RFX4: variants seen among roughly 807,000 people sequenced by gnomAD.
RFX4 encodes the protein transcription factor RFX4.
A neutral mutation model predicts 95.0 loss-of-function variants in RFX4; 10 were observed. The observed-to-expected ratio is 0.11, with a 90% CI of 0.06 to 0.18. The LOEUF (loss-of-function observed/expected upper bound fraction) is 0.18, where lower values mean the gene tolerates loss of function less well. Ranked by LOEUF, RFX4 falls within the 10% of genes least tolerant of loss-of-function variation. The pLI is 1.00. For missense variants in RFX4, 640 were observed against 922.0 expected, an observed-to-expected ratio of 0.69 and a Z score of 3.96; for synonymous variants, 321 against 340.7, an observed-to-expected ratio of 0.94 and a Z score of 0.64.
At chr12:106,677,983 C>T (rs2041429383) in intron 4 of RFX4, among the ~76,000 whole-genome samples, 1 of 152,102 alleles carries the variant, frequency 6.6e-6, no homozygotes, top group African/African-American at 2.4e-5. Context: ...ATGCTGGTCA[C>T]ACAGATGTTA....
intron 1 of RFX4, among the ~76,000 whole-genome samples, chr12:106,591,554 T>C (rs1191907083): frequency 1.3e-5 from 2 of 152,122 alleles, no homozygotes; most frequent in Non-Finnish European, 2.9e-5. Flanking sequence ...GCGTGAGCCA[T>C]CGCGTCCGGC....
chr12:106,656,504 TACATCCCAAACAGGGTTA>T (rs1463902031), intron 4 of RFX4, among the ~76,000 whole-genome samples: 1 of 152,174 alleles, frequency 6.6e-6, no homozygotes, highest in Non-Finnish European at 1.5e-5. Context: ...AGGAGAGGTT[TACATCCCAAACAGGGTTA>T]ACATCCCAAA....
intron 3 of RFX4, 123 bp from the exon 4 acceptor site, chr12:106,654,105 C>T: frequency 3.7e-6 from 5 of 1,335,524 alleles, no homozygotes; most frequent in Non-Finnish European, 5.3e-6. Flanking sequence ...GCCCCAGCTT[C>T]TCCACCTGTA....
intron 4 of RFX4, among the ~76,000 whole-genome samples, chr12:106,680,101 T>C (rs1411045565): frequency 6.6e-6 from 1 of 152,216 alleles, no homozygotes; most frequent in Non-Finnish European, 1.5e-5. Context: ...ATTATCACCA[T>C]GAGATGGTAT....
Position 106,584,522 on chromosome 12 carries a change from G to C in RFX4, c.43+1159G>C, listed in dbSNP as rs918678998. 1.8e-4 allele frequency among the ~76,000 whole-genome samples: 28 copies of C among 152,238 alleles called. No homozygotes were observed. In the South Asian group the frequency reaches 3.5e-3, roughly 19 times the overall value. ...GGAGCAACAAGTGCCTTCCAGCCCC[G>C]GCCGTCCCCTGAGCATGCACGTCCT... On this transcript the variant is annotated intron_variant, in intron 1 of 17. Transcript: ENST00000392842.
chr12:106,716,684 TC>T (rs2042299043), intron 11 of RFX4, among the ~76,000 whole-genome samples: 2 of 152,176 alleles, frequency 1.3e-5, no homozygotes, highest in Admixed American at 1.3e-4. Flanking sequence ...AGCCCACTTT[TC>T]CCCTGGTAAG....
At chr12:106,703,172 C>A (rs1047495035) in intron 8 of RFX4, among the ~76,000 whole-genome samples, 2 of 152,170 alleles carry the variant, frequency 1.3e-5, no homozygotes, top group Non-Finnish European at 2.9e-5. Context: ...ATTGGAGGTG[C>A]CTTTCTTTCC....
chr12:106,737,033 A>T (rs1592999353), intron 15 of RFX4, among the ~76,000 whole-genome samples: 2 of 151,936 alleles, frequency 1.3e-5, no homozygotes, highest in Admixed American at 6.6e-5. Flanking sequence ...GCCTGATAAA[A>T]TCCTACTCAC....
chr12:106,752,728 C>G (rs558071490), intron 17 of RFX4, among the ~76,000 whole-genome samples: 31 of 152,272 alleles, frequency 2.0e-4, no homozygotes, highest in African/African-American at 7.5e-4. Context: ...CTTTTCAAAT[C>G]ACTCTCAGGC....
chr12:106,621,233 T>C (rs961753335), intron 2 of RFX4, among the ~76,000 whole-genome samples: 2 of 152,218 alleles, frequency 1.3e-5, no homozygotes, highest in African/African-American at 4.8e-5. Context: ...CTGAAAAATG[T>C]CCATGAAATC....
intron 15 of RFX4, among the ~76,000 whole-genome samples, chr12:106,735,887 G>T (rs2042700801): frequency 6.6e-6 from 1 of 152,198 alleles, no homozygotes; most frequent in Admixed American, 6.5e-5. Flanking sequence ...AATGCTATGA[G>T]GTTCCCAAGG....
intron 8 of RFX4, among the ~76,000 whole-genome samples, chr12:106,701,203 GT>G (rs1287186224): frequency 6.6e-6 from 1 of 152,154 alleles, no homozygotes; most frequent in Admixed American, 6.5e-5. Flanking sequence ...TCACTCCATT[GT>G]TTTTGGCTTG....
chr12:106,594,627 G>C (rs1482433061), intron 1 of RFX4, among the ~76,000 whole-genome samples: 1 of 152,152 alleles, frequency 6.6e-6, no homozygotes, highest in Non-Finnish European at 1.5e-5. Flanking sequence ...TCAGTCCAGA[G>C]CTCGCCCCGC....
In RFX4 at chr12:106,675,864, G is replaced by C. The variant is rs188532319; in HGVS notation, c.316-6129G>C. On this transcript the variant is annotated intron_variant, in intron 4 of 17. Transcript: ENST00000392842. The stretch of plus-strand genomic sequence containing the variant: ...GGAAGAAGTTCCATTCCGTATGGCC[G>C]GAGCACAGGAATTGGGAGAGGACGG... Among the ~76,000 whole-genome samples the C allele has an allele frequency of 2.6e-5, 4 of 152,266 alleles. No homozygotes were observed. In the East Asian group the frequency reaches 7.7e-4, roughly 29 times the overall value.
intron 8 of RFX4, among the ~76,000 whole-genome samples, chr12:106,704,065 CAAAAAAAAAAAA>C (rs34213070): frequency 6.1e-4 from 25 of 40,940 alleles, no homozygotes; most frequent in Non-Finnish European, 8.7e-4. Flanking sequence ...GACACTGTCT[CAAAAAAAAAAAA>C]AAAAAAAAAA....
At chr12:106,587,018 C>A (rs975052795) in intron 1 of RFX4, among the ~76,000 whole-genome samples, 2 of 152,228 alleles carry the variant, frequency 1.3e-5, no homozygotes, top group African/African-American at 4.8e-5. Context: ...GCGCCCCCAT[C>A]TCTGCCACCT....
intron 15 of RFX4, among the ~76,000 whole-genome samples, chr12:106,739,702 G>A (rs1324086889): frequency 6.6e-6 from 1 of 152,118 alleles, no homozygotes; most frequent in Non-Finnish European, 1.5e-5. Context: ...TGGGTTTACG[G>A]CAATGTCATG....
intron 4 of RFX4, among the ~76,000 whole-genome samples, chr12:106,663,713 T>C (rs1435056305): frequency 6.6e-6 from 1 of 151,808 alleles, no homozygotes; most frequent in African/African-American, 2.4e-5. Flanking sequence ...ATATTCTTTA[T>C]CAAATTGAAG....
intron 15 of RFX4, among the ~76,000 whole-genome samples, chr12:106,734,572 G>A (rs1010771884): frequency 6.6e-6 from 1 of 150,892 alleles, no homozygotes; most frequent in Non-Finnish European, 1.5e-5. Context: ...CTCCAGCCTG[G>A]GCATCAGAGC....
Sources: gnomAD v4.1 joint callset for allele counts (sites outside exome capture counted in the v4.1 genomes callset) on GRCh38, gnomAD v4.1.1 for gene constraint, MANE v1.5 for transcripts, NCBI Gene and HGNC (gene_info 2026-07-23, HGNC 2026-07-21) for gene names.